The following CTNNA3 variants were observed in gnomAD, a reference collection of about 807,000 sequenced individuals.
CTNNA3 encodes catenin alpha-3.
A neutral mutation model predicts 95.7 loss-of-function variants in CTNNA3; 76 were observed. The observed-to-expected ratio is 0.79, with a 90% confidence interval of 0.66 to 0.96. The LOEUF (loss-of-function observed/expected upper bound fraction) is 0.96, where lower values mean the gene tolerates loss of function less well. Among genes scored for constraint, CTNNA3 ranks in the 40% least tolerant of loss-of-function variants. The pLI, the probability that CTNNA3 is intolerant of heterozygous loss-of-function variation, is 0.00. For synonymous variants in CTNNA3, 431 were observed against 374.4 expected, an observed-to-expected ratio of 1.15 and a Z score of -1.74; for missense variants, 1,191 against 1,089.8, an observed-to-expected ratio of 1.09 and a Z score of -1.31.
intron 5 of CTNNA3, among the ~76,000 whole-genome samples, chr10:67,327,456 T>C (rs1370662242): frequency 6.6e-6 from 1 of 152,214 alleles, no homozygotes; most frequent in African/African-American, 2.4e-5. Flanking sequence ...TAAAGTGAAT[T>C]CAGCTAACTG....
rs186309777 is a variant in CTNNA3 at position 66,372,297 on chromosome 10, C to A, written c.1732+6855G>T. Among the ~76,000 whole-genome samples, 410 of 152,278 alleles carry A rather than the reference C, an allele frequency of 2.7e-3. 2 individuals carry two copies. Among genetic ancestry groups the A allele is most frequent in the African/African-American group, 9.6e-3 (397 of 41,562 alleles). On this transcript the variant is annotated intron_variant, in intron 12 of 17. Transcript: ENST00000433211. ...ATCCATAGAGTAAATCTGAATTAGT[C>A]ATTTTACAGAAATACGGGAAAGTAG...
intron 5 of CTNNA3, among the ~76,000 whole-genome samples, chr10:67,238,809 C>T (rs1865606055): frequency 6.6e-6 from 1 of 152,138 alleles, no homozygotes; most frequent in Non-Finnish European, 1.5e-5. Context: ...CTTCTGTCTT[C>T]ACTACTTCAT....
At chr10:67,469,888 A>G (rs948623823) in intron 5 of CTNNA3, among the ~76,000 whole-genome samples, 6 of 152,212 alleles carry the variant, frequency 3.9e-5, no homozygotes, top group Non-Finnish European at 8.8e-5. Context: ...TTATAATCAC[A>G]TCATGTAAAA....
intron 13 of CTNNA3, among the ~76,000 whole-genome samples, chr10:66,239,317 C>A (rs1472979233): frequency 6.6e-6 from 1 of 151,412 alleles, no homozygotes; most frequent in Non-Finnish European, 1.5e-5. Context: ...GTATGCTAGT[C>A]TTCTGCTTTT....
intron 3 of CTNNA3, among the ~76,000 whole-genome samples, chr10:67,599,731 T>A (rs1843025508): frequency 6.6e-6 from 1 of 152,152 alleles, no homozygotes; most frequent in Non-Finnish European, 1.5e-5. Flanking sequence ...AAGATTTGTA[T>A]CCACAATAAA....
rs115283207 is a variant in CTNNA3 at position 66,418,229 on chromosome 10, A to G, written c.1532-38877T>C. On this transcript the variant is annotated intron_variant, in intron 11 of 17. Coordinates refer to ENST00000433211, the MANE Select transcript of CTNNA3 (RefSeq NM_013266.4). Reference sequence around the variant, plus strand: ...ACAGAAATACAAAAGATCATCAGAGACTATCACGGAAAACTGTATACTAAC... The same window carrying G: ...ACAGAAATACAAAAGATCATCAGAGGCTATCACGGAAAACTGTATACTAAC... Among the ~76,000 whole-genome samples the G allele has an allele frequency of 7.6e-3, 1,155 of 151,872 alleles. 19 individuals are homozygous for G. The highest frequency in any genetic ancestry group is 0.027 in the African/African-American group (1,110 of 41,360).
intron 7 of CTNNA3, among the ~76,000 whole-genome samples, chr10:67,130,416 C>T (rs1229870263): frequency 6.6e-6 from 1 of 152,024 alleles, no homozygotes; most frequent in Non-Finnish European, 1.5e-5. Flanking sequence ...AGGTTGCTGA[C>T]CCTAACACCA....
At chr10:67,477,871 T>TACAGATA (rs1848078137) in intron 5 of CTNNA3, among the ~76,000 whole-genome samples, 1 of 151,980 alleles carries the variant, frequency 6.6e-6, no homozygotes, top group Admixed American at 6.5e-5. Flanking sequence ...GATAAAAAAT[T>TACAGATA]CAAAGCACGA....
intron 13 of CTNNA3, among the ~76,000 whole-genome samples, chr10:66,132,251 G>C (rs1005455332): frequency 6.6e-6 from 1 of 152,086 alleles, no homozygotes; most frequent in Non-Finnish European, 1.5e-5. Context: ...GACATGAACA[G>C]ACACTTTTCA....
chr10:65,928,964 G>A (rs1224018787), intron 17 of CTNNA3, among the ~76,000 whole-genome samples: 1 of 152,042 alleles, frequency 6.6e-6, no homozygotes, highest in Non-Finnish European at 1.5e-5. Context: ...CTATGTTGGT[G>A]TGCTGAACCC....
chr10:67,130,132 T>C lies in CTNNA3; in HGVS notation c.1047+50185A>G, dbSNP rs527656117. Among the ~76,000 whole-genome samples the C allele has an allele frequency of 1.1e-3, 161 of 152,190 alleles. 1 individual carries two copies. Among genetic ancestry groups the C allele is most frequent in the African/African-American group, 3.6e-3 (148 of 41,550 alleles). ...ACCATTCCTTTAAAGAAACCCTCCT[T>C]TAAAGAAACCTCAGGAGGGTTCCTG... On this transcript the variant is annotated intron_variant, in intron 7 of 17. Coordinates refer to ENST00000433211, the MANE Select transcript of CTNNA3 (RefSeq NM_013266.4).
intron 7 of CTNNA3, among the ~76,000 whole-genome samples, chr10:67,082,794 G>C (rs1421756413): frequency 1.3e-5 from 2 of 152,218 alleles, no homozygotes; most frequent in Admixed American, 1.3e-4. Flanking sequence ...CTAAGGATTA[G>C]ATATCAGTCA....
At chr10:66,843,177 G>A (rs1246898144) in intron 7 of CTNNA3, among the ~76,000 whole-genome samples, 3 of 152,144 alleles carry the variant, frequency 2.0e-5, no homozygotes, top group South Asian at 2.1e-4. Flanking sequence ...GATTGAAAGA[G>A]GGTCCAAAAC....
chr10:66,025,757 T>C (rs987671926), intron 15 of CTNNA3, among the ~76,000 whole-genome samples: 1 of 152,178 alleles, frequency 6.6e-6, no homozygotes, highest in Non-Finnish European at 1.5e-5. Flanking sequence ...TATCAAGCCC[T>C]ACTAAAAACA....
chr10:67,520,498 G>T (rs1013323640), intron 5 of CTNNA3, among the ~76,000 whole-genome samples: 1 of 152,138 alleles, frequency 6.6e-6, no homozygotes, highest in African/African-American at 2.4e-5. Flanking sequence ...TGCATAGGCC[G>T]GAGGAGTGAC....
At chr10:66,029,145 A>AT (rs1265006299) in intron 15 of CTNNA3, among the ~76,000 whole-genome samples, 1 of 152,126 alleles carries the variant, frequency 6.6e-6, no homozygotes, top group Non-Finnish European at 1.5e-5. Flanking sequence ...ACACATCACA[A>AT]TTTTCCTGCA....
chr10:67,457,645 T>A (rs1188826227), intron 5 of CTNNA3, among the ~76,000 whole-genome samples: 1 of 152,176 alleles, frequency 6.6e-6, no homozygotes, highest in Admixed American at 6.5e-5. Context: ...TTAGGCCGCA[T>A]GGGCTAAAAT....
chr10:66,763,337 C>CAGAGAGAGAG (rs1204351413), intron 9 of CTNNA3, among the ~76,000 whole-genome samples: 14,841 of 126,020 alleles, frequency 0.12, 749 homozygotes, highest in African/African-American at 0.17. Flanking sequence ...CACACACACA[C>CAGAGAGAGAG]ACACAGAGAG....
At chr10:67,364,926 A>C (rs1843149517) in intron 5 of CTNNA3, among the ~76,000 whole-genome samples, 2 of 152,194 alleles carry the variant, frequency 1.3e-5, no homozygotes, top group Admixed American at 1.3e-4. Flanking sequence ...AGACAATCCT[A>C]AGCAAAAAGA....
Sources: gnomAD v4.1 joint callset for allele counts (sites outside exome capture counted in the v4.1 genomes callset) on GRCh38, gnomAD v4.1.1 for gene constraint, MANE v1.5 for transcripts, NCBI Gene and HGNC (gene_info 2026-07-23, HGNC 2026-07-21) for gene names.